The following IGF2BP2 variants were observed in gnomAD, a reference collection of about 807,000 sequenced individuals.
IGF2BP2 encodes insulin like growth factor 2 mRNA binding protein 2.
A neutral mutation model predicts 75.8 loss-of-function variants in IGF2BP2; 17 were observed. That is an observed-to-expected ratio of 0.22 (90% CI 0.15 to 0.34). The LOEUF is 0.34. Ranked by LOEUF, IGF2BP2 falls within the 10% of genes least tolerant of loss-of-function variation. The pLI is 1.00. For missense variants in IGF2BP2, 516 were observed against 772.4 expected, an observed-to-expected ratio of 0.67 and a Z score of 3.93; for synonymous variants, 288 against 295.6, an observed-to-expected ratio of 0.97 and a Z score of 0.26.
intron 2 of IGF2BP2, among the ~76,000 whole-genome samples, chr3:185,779,927 A>G (rs1018228084): frequency 2.0e-5 from 3 of 152,248 alleles, no homozygotes; most frequent in African/African-American, 4.8e-5. Flanking sequence ...ACTTGTATAT[A>G]AGCGTAAATA....
intron 2 of IGF2BP2, among the ~76,000 whole-genome samples, chr3:185,723,045 G>A (rs993167376): frequency 2.0e-5 from 3 of 152,054 alleles, no homozygotes; most frequent in South Asian, 2.1e-4. Context: ...CTGTTGAAAC[G>A]TTTCTCGTTG....
intron 2 of IGF2BP2, among the ~76,000 whole-genome samples, chr3:185,804,436 C>CA (rs71164544): frequency 0.4 from 56,906 of 143,312 alleles, 11,484 homozygotes; most frequent in African/African-American, 0.56. Flanking sequence ...TTGTCTCAAA[C>CA]AAAAAAAAAA....
chr3:185,767,422 T>C (rs1578236143), intron 2 of IGF2BP2, among the ~76,000 whole-genome samples: 2 of 152,170 alleles, frequency 1.3e-5, no homozygotes, highest in East Asian at 3.8e-4. Flanking sequence ...CCCATTTCCA[T>C]AAGATGTTAA....
At chr3:185,665,409 A>AGGAGGAGAAGGAG (rs1560251099) in intron 10 of IGF2BP2, among the ~76,000 whole-genome samples, 132 of 24,810 alleles carry the variant, frequency 5.3e-3, no homozygotes, top group Non-Finnish European at 5.6e-3. Flanking sequence ...AGGAGAAGGA[A>AGGAGGAGAAGGAG]AAGGAGGAGA....
chr3:185,697,398 G>A lies in IGF2BP2; in HGVS notation c.289-735C>T, dbSNP rs193077897. ...GGGATTTACAGGCGTGAGCCATCAC[G>A]CCCAGGCAATAATCGTGTGTTTTTT... On this transcript the variant is annotated intron_variant, in intron 3 of 15. Transcript: ENST00000382199. Among the ~76,000 whole-genome samples, 449 of 150,592 alleles carry A rather than the reference G, an allele frequency of 3.0e-3. 2 individuals carry two copies. The highest frequency in any genetic ancestry group is 0.01 in the African/African-American group (422 of 41,304).
chr3:185,774,806 G>A (rs1181835623), intron 2 of IGF2BP2, among the ~76,000 whole-genome samples: 1 of 151,950 alleles, frequency 6.6e-6, no homozygotes, highest in Admixed American at 6.6e-5. Flanking sequence ...CAGATCACAA[G>A]GTCAGGAGTA....
At chr3:185,685,543 T>C (rs1162533570) in intron 7 of IGF2BP2, among the ~76,000 whole-genome samples, 1 of 152,206 alleles carries the variant, frequency 6.6e-6, no homozygotes, top group East Asian at 1.9e-4. Flanking sequence ...ACCATTTTCA[T>C]CTTGGTTTTG....
intron 9 of IGF2BP2, 154 bp downstream of exon 9, chr3:185,675,142 T>C: frequency 1.5e-6 from 1 of 646,670 alleles, no homozygotes; most frequent in Non-Finnish European, 2.6e-6. Flanking sequence ...CTTATCATAA[T>C]TTACTAGTTG....
At chr3:185,758,331 A>G (rs1018948537) in intron 2 of IGF2BP2, among the ~76,000 whole-genome samples, 3 of 152,200 alleles carry the variant, frequency 2.0e-5, no homozygotes, top group Admixed American at 2.0e-4. Flanking sequence ...AGAAGAGACA[A>G]CACCCAAGAG....
At chr3:185,796,244 A>C (rs1355016734) in intron 2 of IGF2BP2, among the ~76,000 whole-genome samples, 1 of 152,130 alleles carries the variant, frequency 6.6e-6, no homozygotes, top group East Asian at 1.9e-4. Context: ...CTGGCTATAG[A>C]ATCTAGTGTA....
intron 10 of IGF2BP2, among the ~76,000 whole-genome samples, chr3:185,659,637 A>C (rs1182423025): frequency 1.3e-5 from 2 of 151,158 alleles, no homozygotes; most frequent in East Asian, 4.0e-4. Context: ...TAGCCTCCCA[A>C]AGTGATATGA....
intron 2 of IGF2BP2, among the ~76,000 whole-genome samples, chr3:185,772,913 G>C (rs1341351224): frequency 6.6e-6 from 1 of 152,032 alleles, no homozygotes; most frequent in Admixed American, 6.6e-5. Context: ...CTAAATGTCT[G>C]CTCTCAATAA....
At chr3:185,658,269 T>G in intron 11 of IGF2BP2, 72 bp downstream of exon 11, 1 of 1,371,382 alleles carries the variant, frequency 7.3e-7, no homozygotes. Flanking sequence ...GAACATTCAC[T>G]GGCCACCAAG....
At chr3:185,670,560 C>A (rs1244603560) in intron 10 of IGF2BP2, among the ~76,000 whole-genome samples, 1 of 151,998 alleles carries the variant, frequency 6.6e-6, no homozygotes, top group Non-Finnish European at 1.5e-5. Context: ...TTGAGATTAC[C>A]AATTTATTTA....
intron 4 of IGF2BP2, among the ~76,000 whole-genome samples, chr3:185,695,121 C>T (rs1442391992): frequency 1.3e-5 from 2 of 151,946 alleles, no homozygotes; most frequent in African/African-American, 4.8e-5. Context: ...CTTTCCATGT[C>T]GAAGGAAATA....
At chr3:185,709,500 C>T (rs149785098) in intron 2 of IGF2BP2, among the ~76,000 whole-genome samples, 13 of 152,252 alleles carry the variant, frequency 8.5e-5, no homozygotes, top group African/African-American at 1.7e-4. Flanking sequence ...AAGAGGAACA[C>T]GTGCTTACTA....
intron 2 of IGF2BP2, among the ~76,000 whole-genome samples, chr3:185,742,832 G>T (rs779121552): frequency 6.6e-6 from 1 of 152,114 alleles, no homozygotes; most frequent in Non-Finnish European, 1.5e-5. Context: ...CAGGCACAGC[G>T]GCTCATGCCT....
rs563849301 is a variant in IGF2BP2, at chr3:185,778,374, C to G, written c.239+44779G>C. On this transcript the variant is annotated intron_variant, in intron 2 of 15. Coordinates refer to ENST00000382199, the MANE Select transcript of IGF2BP2 (RefSeq NM_006548.6). ...AGTACTCAGAGAAAAGCCACACAGA[C>G]AGGGAGAATGTGCAAATTCTACACA... is the stretch of plus-strand genomic sequence containing the variant. 2.0e-5 allele frequency among the ~76,000 whole-genome samples: 3 copies of G among 152,266 alleles called. No homozygotes were observed. The South Asian group carries it at 6.2e-4, about 32-fold the overall frequency.
intron 9 of IGF2BP2, 175 bp downstream of exon 9, chr3:185,675,121 T>C: frequency 1.9e-6 from 1 of 522,744 alleles, no homozygotes; most frequent in Non-Finnish European, 3.3e-6. Flanking sequence ...CACGTGATGT[T>C]GTCCAGCGCA....
Sources: allele counts gnomAD v4.1 joint callset (sites outside exome capture counted in the v4.1 genomes callset), GRCh38; gene constraint gnomAD v4.1.1; transcripts MANE v1.5; gene names NCBI Gene and HGNC (gene_info 2026-07-23, HGNC 2026-07-21).